Variants in SYNDIG1 observed in about 807,000 individuals in gnomAD.
The protein encoded by SYNDIG1 is synapse differentiation inducing 1.
SYNDIG1 carries 9 observed loss-of-function variants against 19.4 expected under a neutral mutation model. That is an observed-to-expected ratio of 0.46 (90% CI 0.28 to 0.81). SYNDIG1 has a LOEUF of 0.81. SYNDIG1 is among the 30% of genes least tolerant of loss of function. SYNDIG1 has a pLI of 0.12. For missense variants in SYNDIG1, 311 were observed against 343.3 expected, an observed-to-expected ratio of 0.91 and a Z score of 0.74; for synonymous variants, 141 against 145.9, an observed-to-expected ratio of 0.97 and a Z score of 0.24.
chr20:24,643,786 A>G (rs936109414), intron 3 of SYNDIG1, among the ~76,000 whole-genome samples: 7 of 152,254 alleles, frequency 4.6e-5, no homozygotes, highest in Admixed American at 1.3e-4. Flanking sequence ...TTACCATGAC[A>G]GTGTCATACA....
At chr20:24,533,659 G>A (rs146241321) in intron 1 of SYNDIG1, among the ~76,000 whole-genome samples, 2 of 152,176 alleles carry the variant, frequency 1.3e-5, no homozygotes, top group East Asian at 3.9e-4. Flanking sequence ...TCAAACACCA[G>A]CCTCCGAGCT....
intron 1 of SYNDIG1, among the ~76,000 whole-genome samples, chr20:24,507,514 C>T (rs538900785): frequency 3.9e-5 from 6 of 152,202 alleles, no homozygotes; most frequent in African/African-American, 1.4e-4. Context: ...CTAGCCCATC[C>T]CTCTCCAGCT....
intron 1 of SYNDIG1, among the ~76,000 whole-genome samples, chr20:24,517,918 G>A (rs532796476): frequency 6.6e-6 from 1 of 150,928 alleles, no homozygotes; most frequent in African/African-American, 2.4e-5. Flanking sequence ...CCTTTCTCCT[G>A]CCTCAGTCTC....
chr20:24,557,643 G>C (rs1381462041), intron 2 of SYNDIG1, among the ~76,000 whole-genome samples: 1 of 152,204 alleles, frequency 6.6e-6, no homozygotes, highest in East Asian at 1.9e-4. Context: ...CTCGAATGCT[G>C]CTGTCTGATC....
chr20:24,610,471 A>G (rs1204879797), intron 3 of SYNDIG1, among the ~76,000 whole-genome samples: 5 of 152,196 alleles, frequency 3.3e-5, no homozygotes, highest in Non-Finnish European at 7.3e-5. Context: ...AGTGCTAATC[A>G]GCCAGAATGA....
chr20:24,534,544 A>G (rs184945573), intron 1 of SYNDIG1, among the ~76,000 whole-genome samples: 1 of 152,164 alleles, frequency 6.6e-6, no homozygotes, highest in Non-Finnish European at 1.5e-5. Context: ...GCCCTGGCTA[A>G]CTCCTCACCC....
chr20:24,637,451 T>C (rs974594129), intron 3 of SYNDIG1, among the ~76,000 whole-genome samples: 2 of 152,108 alleles, frequency 1.3e-5, no homozygotes, highest in Non-Finnish European at 2.9e-5. Context: ...ACCCTCTCAT[T>C]CAGAGACATC....
At chr20:24,573,736 T>C (rs1815740890) in intron 2 of SYNDIG1, among the ~76,000 whole-genome samples, 1 of 152,210 alleles carries the variant, frequency 6.6e-6, no homozygotes, top group Non-Finnish European at 1.5e-5. Context: ...GCATGACGTA[T>C]TCGTCATGTG....
chr20:24,531,631 G>GAA (rs11472864), intron 1 of SYNDIG1, among the ~76,000 whole-genome samples: 87,148 of 149,996 alleles, frequency 0.58, 26,126 homozygotes, highest in Middle Eastern at 0.75. Flanking sequence ...AGACAATTTT[G>GAA]AAAAAAAAAA....
chr20:24,642,162 G>A (rs1189456067), intron 3 of SYNDIG1, among the ~76,000 whole-genome samples: 1 of 152,230 alleles, frequency 6.6e-6, no homozygotes, highest in Non-Finnish European at 1.5e-5. Flanking sequence ...GGCTGTGACA[G>A]TTTCTCAAAT....
chr20:24,609,115 GA>G (rs1213284788), intron 3 of SYNDIG1, among the ~76,000 whole-genome samples: 2 of 152,166 alleles, frequency 1.3e-5, no homozygotes, highest in Non-Finnish European at 2.9e-5. Flanking sequence ...TTCTGCTGTA[GA>G]AAAATGTCAT....
intron 2 of SYNDIG1, among the ~76,000 whole-genome samples, chr20:24,574,699 T>A (rs181243591): frequency 6.6e-6 from 1 of 152,254 alleles, no homozygotes; most frequent in African/African-American, 2.4e-5. Context: ...AATGCAGGAA[T>A]ATGGAAAACA....
chr20:24,572,651 C>T (rs1219030680), intron 2 of SYNDIG1, among the ~76,000 whole-genome samples: 1 of 152,160 alleles, frequency 6.6e-6, no homozygotes, highest in Non-Finnish European at 1.5e-5. Context: ...GTAGAGATGG[C>T]CACTGGCCTC....
At chr20:24,502,887 C>T (rs73101373) in intron 1 of SYNDIG1, among the ~76,000 whole-genome samples, 288 of 152,298 alleles carry the variant, frequency 1.9e-3, no homozygotes, top group Non-Finnish European at 3.2e-3. Context: ...GAAAGCAGAG[C>T]GCTGACGTGG....
intron 1 of SYNDIG1, among the ~76,000 whole-genome samples, chr20:24,497,937 C>A (rs189679950): frequency 2.0e-5 from 3 of 150,744 alleles, no homozygotes; most frequent in Non-Finnish European, 4.4e-5. Flanking sequence ...CCTGGATTGT[C>A]CAGACCCATG....
In SYNDIG1 at chr20:24,665,651, T is replaced by C; in HGVS notation, c.*147T>C. On this transcript the variant is annotated 3_prime_UTR_variant, in exon 4 of 4. Coordinates refer to ENST00000376862, the MANE Select transcript of SYNDIG1 (RefSeq NM_024893.3). ...ATTTCCTACCCATGGATTTATTTTG[T>C]TTTTATCCTTTAATTTCATGTTCAC... 1 of 1,162,308 alleles carries C rather than the reference T, an allele frequency of 8.6e-7. No individual in the cohort carries two copies. The allele number at this position is 1,162,308 out of a possible 1,614,324, so 72.0% of individuals were successfully genotyped here.
At chr20:24,618,082 C>T (rs2058972922) in intron 3 of SYNDIG1, among the ~76,000 whole-genome samples, 2 of 26,984 alleles carry the variant, frequency 7.4e-5, no homozygotes, top group African/African-American at 3.0e-4. Flanking sequence ...AGGGAGAGCT[C>T]GGGTAGGGGG....
rs1210179098 is a variant in SYNDIG1 at position 24,543,345 on chromosome 20, T to A, written c.248T>A (p.Val83Glu). 1 of 1,613,546 alleles carries A rather than the reference T, an allele frequency of 6.2e-7. No homozygotes were observed. The highest frequency in any genetic ancestry group is 8.5e-7 in the Non-Finnish European group (1 of 1,179,998). ...GACCCCAACACCCTGCAGCAGTCAG[T>A]GGAGTCCCGCTACCGGCCCAACATC... ...LLDPNTLQQS[V>E]ESRYRPNIIL... is the part of the protein sequence containing the mutation. The change falls in exon 2 of 4, where the codon GTG becomes GAG. Residue 83 changes from valine (V) to glutamate (E), a missense_variant. Coordinates refer to ENST00000376862, the MANE Select transcript of SYNDIG1 (RefSeq NM_024893.3).
At chr20:24,610,974 A>G (rs370030224) in intron 3 of SYNDIG1, among the ~76,000 whole-genome samples, 2 of 152,204 alleles carry the variant, frequency 1.3e-5, no homozygotes, top group Non-Finnish European at 2.9e-5. Context: ...TCAGAGGGGC[A>G]TCTTCTGTCT....
Sources: gnomAD v4.1 joint callset for allele counts (sites outside exome capture counted in the v4.1 genomes callset) on GRCh38, gnomAD v4.1.1 for gene constraint, MANE v1.5 for transcripts, NCBI Gene and HGNC (gene_info 2026-07-23, HGNC 2026-07-21) for gene names.